The following EGLN3 variants were observed in gnomAD, a reference collection of about 807,000 sequenced individuals.
EGLN3 encodes the protein prolyl hydroxylase EGLN3.
EGLN3 carries 15 observed loss-of-function variants against 26.0 expected under a neutral mutation model. The observed-to-expected ratio is 0.58, with a 90% confidence interval of 0.39 to 0.89. The LOEUF (loss-of-function observed/expected upper bound fraction) is 0.89, where lower values mean the gene tolerates loss of function less well. EGLN3 is among the 40% of genes least tolerant of loss of function. The pLI is 0.00. For missense variants in EGLN3, 238 were observed against 311.6 expected, an observed-to-expected ratio of 0.76 and a Z score of 1.78; for synonymous variants, 147 against 127.2, an observed-to-expected ratio of 1.16 and a Z score of -1.05.
chr14:33,938,965 G>T (rs2064461363), intron 1 of EGLN3, among the ~76,000 whole-genome samples: 1 of 152,086 alleles, frequency 6.6e-6, no homozygotes, highest in Non-Finnish European at 1.5e-5. Context: ...AGCCTTATCA[G>T]AATAATAAAA....
At chr14:33,931,045 A>T (rs2064399432) in intron 2 of EGLN3, 51 bp downstream of exon 2, 1 of 1,606,378 alleles carries the variant, frequency 6.2e-7, no homozygotes, top group Non-Finnish European at 8.5e-7. Context: ...TATCTGAATC[A>T]TTTTCCTGTA....
chr14:33,951,050 C>T lies in EGLN3; in HGVS notation c.-298G>A. 1 of 363,476 alleles carries T rather than the reference C, an allele frequency of 2.8e-6. No homozygotes were observed. The highest frequency in any genetic ancestry group is 5.0e-6 in the Non-Finnish European group (1 of 201,912). 22.5% of individuals were successfully genotyped at this position (363,476 alleles called of 1,614,324 possible). ...GAGGGCGCCTTTTGGGGATGGGAAG[C>T]CACCACTGCCGCGACTGCGGCCAGA... On this transcript the variant is annotated 5_prime_UTR_variant, in exon 1 of 5. Transcript: ENST00000250457.
At position 33,929,129 on chromosome 14, in the gene EGLN3, G is replaced by A. The variant is rs146122914; in HGVS notation, c.561C>T (p.Phe187=). The A allele has an allele frequency of 2.2e-5, 36 of 1,614,196 alleles. No homozygotes were observed. The African/African-American group carries it at 4.5e-4, about 20-fold the overall frequency. Residue 187 remains phenylalanine (F), a synonymous_variant, in exon 3 of 5, where the codon TTC becomes TTT. Transcript: ENST00000250457. The part of the protein sequence containing the change: ...DVEPIFDRLL[F]FWSDRRNPHE... Reference sequence around the variant, plus strand: ...GTGGGTTCCTACGATCTGACCAGAAGAACAGGAGTCTGTCAAAAATGGGCT... The same window carrying A: ...GTGGGTTCCTACGATCTGACCAGAAAAACAGGAGTCTGTCAAAAATGGGCT...
At chr14:33,932,433 G>A (rs573647034) in intron 1 of EGLN3, among the ~76,000 whole-genome samples, 12 of 152,190 alleles carry the variant, frequency 7.9e-5, no homozygotes, top group African/African-American at 2.2e-4. Context: ...TAAAATGACC[G>A]TTTGAGTAGA....
Position 33,929,089 on chromosome 14 carries a change from A to T in EGLN3, c.601T>A (p.Ser201Thr), listed in dbSNP as rs758038783. Residue 201 changes from serine (S) to threonine (T), a missense_variant, in exon 3 of 5, where the codon TCT becomes ACT. By Grantham distance (58) the Ser-to-Thr change is moderately conservative (BLOSUM62 1). Transcript: ENST00000250457. ...TCCGGCTATTACCTGGTTGCGTAAGAGGGCTGCACTTCGTGTGGGTTCCTA... is the reference window on the plus strand; with the variant it reads ...TCCGGCTATTACCTGGTTGCGTAAGTGGGCTGCACTTCGTGTGGGTTCCTA... ...DRRNPHEVQP[S>T]YATRYAMTVW... 1 of 1,613,860 alleles carries T rather than the reference A, an allele frequency of 6.2e-7. No individual in the cohort carries two copies. The highest frequency in any genetic ancestry group is 2.2e-5 in the East Asian group (1 of 44,878).
Position 33,938,685 on chromosome 14 carries a change from C to T in EGLN3, c.358-7470G>A, listed in dbSNP as rs568972197. Among the ~76,000 whole-genome samples the T allele has an allele frequency of 5.3e-5, 8 of 152,352 alleles. No individual in the cohort carries two copies. In the East Asian group the frequency reaches 1.2e-3, roughly 22 times the overall value. ...CAGCCCAGGGATAAGGACATCAAGA[C>T]GCATTTAACCATTTCCTTTCTGATG... On this transcript the variant is annotated intron_variant, in intron 1 of 4. Transcript: ENST00000250457.
chr14:33,927,623 T>C (rs2138809155), intron 3 of EGLN3, among the ~76,000 whole-genome samples: 1 of 152,274 alleles, frequency 6.6e-6, no homozygotes, highest in African/African-American at 2.4e-5. Context: ...AGGCTCCAAG[T>C]AGGGGAGACA....
intron 1 of EGLN3, among the ~76,000 whole-genome samples, chr14:33,940,343 C>T (rs567435847): frequency 6.6e-6 from 1 of 151,876 alleles, no homozygotes; most frequent in South Asian, 2.1e-4. Context: ...TATGCTGGTA[C>T]AAATAATAGG....
chr14:33,950,784 A>T lies in EGLN3; in HGVS notation c.-32T>A. ...CGCAGAATCGAGGTCCGGGATCCCC[A>T]GCGTGCAACCAGAGAGGGAACGATC... is the stretch of plus-strand genomic sequence containing the variant. On this transcript the variant is annotated 5_prime_UTR_variant, in exon 1 of 5. Transcript: ENST00000250457. 7.3e-7 allele frequency: 1 copy of T among 1,363,496 alleles called. No individual in the cohort carries two copies. Among genetic ancestry groups the T allele is most frequent in the Non-Finnish European group, 9.6e-7 (1 of 1,037,582 alleles). The allele number at this position is 1,363,496 out of a possible 1,614,324, so 84.5% of individuals were successfully genotyped here. A position where few individuals can be genotyped will look rare whatever the true frequency, so the allele number is the denominator to read the frequency against.
At chr14:33,930,556 A>G (rs1259062135) in intron 2 of EGLN3, among the ~76,000 whole-genome samples, 2 of 152,202 alleles carry the variant, frequency 1.3e-5, no homozygotes, top group Non-Finnish European at 2.9e-5. Context: ...CCATCTATCT[A>G]TAAGTTCTAT....
At chr14:33,938,828 T>G (rs957677814) in intron 1 of EGLN3, among the ~76,000 whole-genome samples, 1 of 152,232 alleles carries the variant, frequency 6.6e-6, no homozygotes, top group Non-Finnish European at 1.5e-5. Context: ...GTGTGTGCCC[T>G]GAGTCACACC....
chr14:33,941,553 C>T (rs1306084570), intron 1 of EGLN3, among the ~76,000 whole-genome samples: 1 of 140,276 alleles, frequency 7.1e-6, no homozygotes, highest in Non-Finnish European at 1.6e-5. Flanking sequence ...TCCCCTCTAT[C>T]CCCCCCAAAA....
At chr14:33,932,716 G>A (rs950213777) in intron 1 of EGLN3, among the ~76,000 whole-genome samples, 4 of 152,154 alleles carry the variant, frequency 2.6e-5, no homozygotes, top group African/African-American at 4.8e-5. Context: ...GCTCAAGTTA[G>A]GCTGTTAGCT....
rs1295747557 is a variant in EGLN3, at chr14:33,950,119, G to A, written c.357+277C>T. On this transcript the variant is annotated intron_variant, in intron 1 of 4. Coordinates refer to ENST00000250457, the MANE Select transcript of EGLN3 (RefSeq NM_022073.4). Reference sequence around the variant, plus strand: ...AACCTCGTCTTAAAATCGGACCACAGCCACAGCTTGTCTGGCTTTTGTCAC... The same window carrying A: ...AACCTCGTCTTAAAATCGGACCACAACCACAGCTTGTCTGGCTTTTGTCAC... The A allele has an allele frequency of 1.0e-5, 6 of 593,366 alleles. No homozygotes were observed. In the East Asian group the frequency reaches 1.4e-4, roughly 14 times the overall value. 36.8% of individuals were successfully genotyped at this position (593,366 alleles called of 1,614,324 possible). A position where few individuals can be genotyped will look rare whatever the true frequency, so the allele number is the denominator to read the frequency against.
At chr14:33,929,763 G>C (rs944599596) in intron 2 of EGLN3, among the ~76,000 whole-genome samples, 5 of 152,098 alleles carry the variant, frequency 3.3e-5, no homozygotes, top group Admixed American at 6.5e-5. Flanking sequence ...ACGTAAAATA[G>C]AGTACTATTA....
At chr14:33,935,030 C>T (rs147692562) in intron 1 of EGLN3, among the ~76,000 whole-genome samples, 1 of 152,162 alleles carries the variant, frequency 6.6e-6, no homozygotes, top group African/African-American at 2.4e-5. Flanking sequence ...TACCAGCCAA[C>T]CTTTGTAAGG....
chr14:33,942,675 G>A (rs528484719), intron 1 of EGLN3, among the ~76,000 whole-genome samples: 2 of 152,178 alleles, frequency 1.3e-5, no homozygotes, highest in Middle Eastern at 3.4e-3. Flanking sequence ...TTTTCATTTT[G>A]TTTTCTTCCC....
At chr14:33,942,729 G>T (rs770608897) in intron 1 of EGLN3, among the ~76,000 whole-genome samples, 3 of 152,072 alleles carry the variant, frequency 2.0e-5, no homozygotes, top group Non-Finnish European at 4.4e-5. Flanking sequence ...TTGATTCTTT[G>T]TATTCTGGAA....
rs2064399145 is a variant in EGLN3 at position 33,931,018 on chromosome 14, T to C, written c.477+78A>G. Reference sequence around the variant, plus strand: ...AGATACGGCAACTATGAACTCAATATAAACTCTCCTCTAAGTTATCTGAAT... The same window carrying C: ...AGATACGGCAACTATGAACTCAATACAAACTCTCCTCTAAGTTATCTGAAT... On this transcript the variant is annotated intron_variant, in intron 2 of 4. Transcript: ENST00000250457. The C allele has an allele frequency of 3.2e-6, 5 of 1,582,114 alleles. No individual in the cohort carries two copies. In the African/African-American group the frequency reaches 5.4e-5, roughly 17 times the overall value.
Sources: allele counts gnomAD v4.1 joint callset (sites outside exome capture counted in the v4.1 genomes callset), GRCh38; gene constraint gnomAD v4.1.1; transcripts MANE v1.5; gene names NCBI Gene and HGNC (gene_info 2026-07-23, HGNC 2026-07-21).